AP5S1: variants seen among roughly 807,000 people sequenced by gnomAD.
AP5S1 encodes adaptor related protein complex 5 subunit sigma 1, also known as AP-5 complex subunit sigma-1.
In AP5S1, 13 loss-of-function variants were observed where a neutral mutation model predicts 13.9. That is an observed-to-expected ratio of 0.94 (90% confidence interval 0.61 to 1.49). AP5S1 has a LOEUF of 1.49. Ranked by LOEUF, AP5S1 falls within the 40% of genes most tolerant of loss-of-function variation. The pLI, the probability that AP5S1 is intolerant of heterozygous loss-of-function variation, is 0.00. For synonymous variants in AP5S1, 132 were observed against 121.8 expected, an observed-to-expected ratio of 1.08 and a Z score of -0.55; for missense variants, 292 against 272.3, an observed-to-expected ratio of 1.07 and a Z score of -0.51.
chr20:3,825,961 G>C lies in AP5S1; in HGVS notation c.*1664G>C, dbSNP rs1220759963. On this transcript the variant is annotated 3_prime_UTR_variant, in exon 3 of 3. Coordinates refer to ENST00000615891, the MANE Select transcript of AP5S1 (RefSeq NM_018347.3). ...TCTAGTGAAGGTTTAAACTTACTCA[G>C]TTGGGGGCGGGGGGTGGGGGAAAAA... The C allele has an allele frequency of 9.1e-6, 1 of 110,230 alleles. No individual in the cohort carries two copies. The highest frequency in any genetic ancestry group is 3.6e-5 in the African/African-American group (1 of 27,508). 6.8% of individuals were successfully genotyped at this position (110,230 alleles called of 1,614,324 possible). A position where few individuals can be genotyped will look rare whatever the true frequency, so the allele number is the denominator to read the frequency against.
At chr20:3,823,003 A>C (rs2089595483) in intron 2 of AP5S1, among the ~76,000 whole-genome samples, 1 of 151,512 alleles carries the variant, frequency 6.6e-6, no homozygotes, top group Admixed American at 6.6e-5. Context: ...CCTTCTGCCA[A>C]CTCCTGCCTT....
intron 1 of AP5S1, 132 bp from the exon 2 acceptor site, chr20:3,821,970 T>C: frequency 1.4e-6 from 2 of 1,387,148 alleles, no homozygotes; most frequent in Non-Finnish European, 9.4e-7. Context: ...GTTCAGATGC[T>C]GTTATTCAAA....
chr20:3,821,960 G>T, intron 1 of AP5S1, 142 bp from the exon 2 acceptor site: 4 of 1,310,760 alleles, frequency 3.1e-6, no homozygotes, highest in Non-Finnish European at 2.9e-6. Context: ...ATGTGATGTT[G>T]TTCAGATGCT....
rs1460985833 is a variant in AP5S1, at chr20:3,824,323, GGGCA to G, written c.*32_*35del. 6.3e-7 allele frequency: 1 copy of G among 1,593,992 alleles called. No homozygotes were observed. Among genetic ancestry groups the G allele is most frequent in the East Asian group, 2.2e-5 (1 of 44,658 alleles). ...TTCCTCGTTGGGATGGTGCTTCTGA[GGGCA>G]GGCAGAGGGTAGACACACAGCCAGA... On this transcript the variant is annotated 3_prime_UTR_variant, in exon 3 of 3. Transcript: ENST00000615891.
rs1009379236 is a variant in AP5S1, at chr20:3,824,689, T to C, written c.*392T>C. 4.9e-6 allele frequency: 1 copy of C among 203,816 alleles called. No homozygotes were observed. The highest frequency in any genetic ancestry group is 5.5e-5 in the Admixed American group (1 of 18,086). 12.6% of individuals were successfully genotyped at this position (203,816 alleles called of 1,614,324 possible). A position where few individuals can be genotyped will look rare whatever the true frequency, so the allele number is the denominator to read the frequency against. On this transcript the variant is annotated 3_prime_UTR_variant, in exon 3 of 3. Coordinates refer to ENST00000615891, the MANE Select transcript of AP5S1 (RefSeq NM_018347.3). ...GGCTCACGCCTGTAATCCCAGCACT[T>C]TGCGGGGCTGAGGTGGTTGGACCAC... is the stretch of plus-strand genomic sequence containing the variant.
rs1457254795 is a variant in AP5S1 at position 3,826,222 on chromosome 20, A to G, written c.*1925A>G. Reference sequence around the variant, plus strand: ...CAGGCCTTCTACCACCACTGTCAACATAATTGGGATGAGGCCACCTTTTCC... The same window carrying G: ...CAGGCCTTCTACCACCACTGTCAACGTAATTGGGATGAGGCCACCTTTTCC... On this transcript the variant is annotated 3_prime_UTR_variant, in exon 3 of 3. Coordinates refer to ENST00000615891, the MANE Select transcript of AP5S1 (RefSeq NM_018347.3). The G allele has an allele frequency of 2.0e-5, 3 of 152,244 alleles. No individual in the cohort carries two copies. The South Asian group carries it at 6.2e-4, about 32-fold the overall frequency. 9.4% of individuals were successfully genotyped at this position (152,244 alleles called of 1,614,324 possible).
At position 3,822,292 on chromosome 20, in the gene AP5S1, A is replaced by T. The variant is rs374122958; in HGVS notation, c.175A>T (p.Arg59Trp). ...GAAGGAACAGATTTTAGCTGTGGCC[A>T]GGTAACCACACAGCCCAGCCCCAGG... Reference protein sequence around the residue: ...LRKEQILAVARQVESMCRLQQ... With the variant: ...LRKEQILAVAWQVESMCRLQQ... The change falls in exon 2 of 3, where the codon AGG becomes TGG. Residue 59 changes from arginine to tryptophan, a missense_variant and splice_region_variant. Transcript: ENST00000615891. The T allele has an allele frequency of 6.2e-7, 1 of 1,613,786 alleles. No individual in the cohort carries two copies. Among genetic ancestry groups the T allele is most frequent in the African/African-American group, 1.3e-5 (1 of 74,916 alleles).
At position 3,825,351 on chromosome 20, in the gene AP5S1, G is replaced by A. The variant is rs2089618383; in HGVS notation, c.*1054G>A. On this transcript the variant is annotated 3_prime_UTR_variant, in exon 3 of 3. Coordinates refer to ENST00000615891, the MANE Select transcript of AP5S1 (RefSeq NM_018347.3). The stretch of plus-strand genomic sequence containing the variant: ...GTGCATCCTGCTCCTATGAGTGAGT[G>A]CCTCTCTGGATGGCCCCAAAGCTGC... 6.6e-6 allele frequency: 1 copy of A among 152,030 alleles called. No individual in the cohort carries two copies. The highest frequency in any genetic ancestry group is 1.5e-5 in the Non-Finnish European group (1 of 68,074). The allele number at this position is 152,030 out of a possible 1,614,324, so 9.4% of individuals were successfully genotyped here.
chr20:3,822,190 T>C lies in AP5S1; in HGVS notation c.73T>C (p.Tyr25His). 1 of 1,614,202 alleles carries C rather than the reference T, an allele frequency of 6.2e-7. No homozygotes were observed. Among genetic ancestry groups the C allele is most frequent in the Non-Finnish European group, 8.5e-7 (1 of 1,180,022 alleles). The change falls in exon 2 of 3, where the codon TAC becomes CAC. Residue 25 changes from tyrosine (Y) to histidine (H), a missense_variant. Physicochemically the swap from Tyr to His is moderately conservative, Grantham distance 83 (BLOSUM62 2). Transcript: ENST00000615891. ...GGACACGGGCCTTTGCCGAGTGCTG[T>C]ACTCCTGCGTCTTCGGTGCTGAGAA... is the stretch of plus-strand genomic sequence containing the variant. The part of the protein sequence containing the change: ...TEDTGLCRVL[Y>H]SCVFGAEKSP...
rs775770641 is a variant in AP5S1 at position 3,822,151 on chromosome 20, G to T, written c.34G>T (p.Ala12Ser). 21 of 1,613,904 alleles carry T rather than the reference G, an allele frequency of 1.3e-5. No individual in the cohort carries two copies. The highest frequency in any genetic ancestry group is 1.7e-5 in the Non-Finnish European group (20 of 1,180,008). The change falls in exon 2 of 3, where the codon GCC (alanine) becomes TCC (serine). Residue 12 changes from alanine to serine, a missense_variant. Coordinates refer to ENST00000615891, the MANE Select transcript of AP5S1 (RefSeq NM_018347.3). Reference protein sequence around the residue: ...VHAFLIHTLRAPNTEDTGLCR... With the variant: ...VHAFLIHTLRSPNTEDTGLCR... ...CGCCTTCCTCATTCACACCTTGAGG[G>T]CCCCGAATACTGAGGACACGGGCCT...
At position 3,824,960 on chromosome 20, in the gene AP5S1, C is replaced by G. The variant is rs1052380872; in HGVS notation, c.*663C>G. ...AAAAAAAAAAAAATCCCACAGTCAT[C>G]GAAACACAAAAGGGGTCTCAGACTC... is the stretch of plus-strand genomic sequence containing the variant. On this transcript the variant is annotated 3_prime_UTR_variant, in exon 3 of 3. Coordinates refer to ENST00000615891, the MANE Select transcript of AP5S1 (RefSeq NM_018347.3). 6.7e-6 allele frequency: 1 copy of G among 149,238 alleles called. No individual in the cohort carries two copies. Among genetic ancestry groups the G allele is most frequent in the African/African-American group, 2.5e-5 (1 of 40,086 alleles). 9.2% of individuals were successfully genotyped at this position (149,238 alleles called of 1,614,324 possible). A position where few individuals can be genotyped will look rare whatever the true frequency, so the allele number is the denominator to read the frequency against.
Position 3,824,364 on chromosome 20 carries a change from A to G in AP5S1, c.*67A>G. The G allele has an allele frequency of 6.8e-7, 1 of 1,476,650 alleles. No homozygotes were observed. Among genetic ancestry groups the G allele is most frequent in the Non-Finnish European group, 9.3e-7 (1 of 1,078,766 alleles). 91.5% of individuals were successfully genotyped at this position (1,476,650 alleles called of 1,614,324 possible). On this transcript the variant is annotated 3_prime_UTR_variant, in exon 3 of 3. Coordinates refer to ENST00000615891, the MANE Select transcript of AP5S1 (RefSeq NM_018347.3). The stretch of plus-strand genomic sequence containing the variant: ...GACACACAGCCAGATGAAGCTTGGC[A>G]TCTCCCTCCTACCCAGCAGCTCTGA...
Position 3,826,447 on chromosome 20 carries a change from C to T in AP5S1, c.*2150C>T, listed in dbSNP as rs2089625333. On this transcript the variant is annotated 3_prime_UTR_variant, in exon 3 of 3. Transcript: ENST00000615891. ...ATTGGCTGTGTTCTCAGGGAACAGG[C>T]CATTTTGTCCTCTATGGAAAGGCTC... The T allele has an allele frequency of 6.6e-6, 1 of 152,192 alleles. No individual in the cohort carries two copies. The highest frequency in any genetic ancestry group is 1.5e-5 in the Non-Finnish European group (1 of 68,064). 9.4% of individuals were successfully genotyped at this position (152,192 alleles called of 1,614,324 possible).
Position 3,822,117 on chromosome 20 carries a change from C to G in AP5S1, c.-1C>G. On this transcript the variant is annotated 5_prime_UTR_variant, in exon 2 of 3. Coordinates refer to ENST00000615891, the MANE Select transcript of AP5S1 (RefSeq NM_018347.3). ...TTCCCTGTAGCACCCACCCTGGAGC[C>G]ATGGTCCACGCCTTCCTCATTCACA... is the stretch of plus-strand genomic sequence containing the variant. 1.2e-6 allele frequency: 2 copies of G among 1,613,038 alleles called. No homozygotes were observed. The highest frequency in any genetic ancestry group is 1.7e-6 in the Non-Finnish European group (2 of 1,179,532).
chr20:3,821,213 G>A (rs969275212), intron 1 of AP5S1, among the ~76,000 whole-genome samples: 4 of 151,924 alleles, frequency 2.6e-5, no homozygotes, highest in African/African-American at 4.8e-5. Flanking sequence ...ATATTTAGAG[G>A]CCCATCCGTG....
Position 3,824,612 on chromosome 20 carries a change from C to T in AP5S1, c.*315C>T, listed in dbSNP as rs1417110863. 2.8e-6 allele frequency: 1 copy of T among 362,250 alleles called. No homozygotes were observed. Among genetic ancestry groups the T allele is most frequent in the Non-Finnish European group, 5.1e-6 (1 of 195,990 alleles). 22.4% of individuals were successfully genotyped at this position (362,250 alleles called of 1,614,324 possible). A position where few individuals can be genotyped will look rare whatever the true frequency, so the allele number is the denominator to read the frequency against. On this transcript the variant is annotated 3_prime_UTR_variant, in exon 3 of 3. Coordinates refer to ENST00000615891, the MANE Select transcript of AP5S1 (RefSeq NM_018347.3). ...CGATAGTGCTAGGGTGAGGAGCTGC[C>T]TGGAGCTCACCCCGCTCTTCTTCCA... is the stretch of plus-strand genomic sequence containing the variant.
chr20:3,822,301 C>A lies in AP5S1; in HGVS notation c.176+8C>A. 1.9e-6 allele frequency: 3 copies of A among 1,613,618 alleles called. No individual in the cohort carries two copies. Among genetic ancestry groups the A allele is most frequent in the Non-Finnish European group, 2.5e-6 (3 of 1,179,700 alleles). On this transcript the variant is annotated splice_region_variant and intron_variant, in intron 2 of 2. Coordinates refer to ENST00000615891, the MANE Select transcript of AP5S1 (RefSeq NM_018347.3). ...GATTTTAGCTGTGGCCAGGTAACCA[C>A]ACAGCCCAGCCCCAGGCCTTCATTG...
In AP5S1 at chr20:3,824,733, G is replaced by A. The variant is rs2089612808; in HGVS notation, c.*436G>A. The A allele has an allele frequency of 6.0e-6, 1 of 167,008 alleles. No homozygotes were observed. The highest frequency in any genetic ancestry group is 1.3e-5 in the Non-Finnish European group (1 of 77,778). The allele number at this position is 167,008 out of a possible 1,614,324, so 10.3% of individuals were successfully genotyped here. On this transcript the variant is annotated 3_prime_UTR_variant, in exon 3 of 3. Transcript: ENST00000615891. The stretch of plus-strand genomic sequence containing the variant: ...GGACCACCTCAGGTCGGGAGTTCAA[G>A]ACCAGCCTGGCCAACATAGTGAAAC...
At chr20:3,822,401 G>A in intron 2 of AP5S1, 108 bp downstream of exon 2, 1 of 1,102,124 alleles carries the variant, frequency 9.1e-7, no homozygotes, top group South Asian at 1.4e-5. Flanking sequence ...GAAGCAGAGA[G>A]GAAGTTTTAG....
Sources: allele counts gnomAD v4.1 joint callset (sites outside exome capture counted in the v4.1 genomes callset), GRCh38; gene constraint gnomAD v4.1.1; transcripts MANE v1.5; gene names NCBI Gene and HGNC (gene_info 2026-07-23, HGNC 2026-07-21).